Variants in LSAMP observed in about 807,000 individuals in gnomAD.
LSAMP encodes the protein limbic system associated membrane protein.
Under a neutral mutation model 38.6 loss-of-function variants are expected in LSAMP, and 7 were observed. The observed-to-expected ratio is 0.18, with a 90% CI of 0.10 to 0.34. The LOEUF is 0.34. Among genes scored for constraint, LSAMP ranks in the 10% least tolerant of loss-of-function variants. The pLI is 1.00. For synonymous variants in LSAMP, 154 were observed against 166.8 expected (o/e 0.92, Z 0.59); for missense variants, 313 against 420.0 (o/e 0.75, Z 2.23).
chr3:116,440,882 T>C (rs1055558817), intron 1 of LSAMP, among the ~76,000 whole-genome samples: 3 of 152,220 alleles, frequency 2.0e-5, no homozygotes, highest in African/African-American at 4.8e-5. Flanking sequence ...AAATAGTGAA[T>C]TGTAAGTCAT....
At chr3:116,146,605 G>A (rs545256397) in intron 1 of LSAMP, among the ~76,000 whole-genome samples, 13 of 152,020 alleles carry the variant, frequency 8.6e-5, no homozygotes, top group African/African-American at 2.9e-4. Context: ...CAGTAACTTT[G>A]TGTTGCATGA....
intron 1 of LSAMP, among the ~76,000 whole-genome samples, chr3:116,349,438 TTTAAA>T (rs966213907): frequency 2.6e-5 from 4 of 151,324 alleles, no homozygotes; most frequent in Admixed American, 1.3e-4. Flanking sequence ...ATCATCATAC[TTTAAA>T]TTAAAAAAGA....
intron 1 of LSAMP, among the ~76,000 whole-genome samples, chr3:116,284,372 T>C (rs1413637192): frequency 2.6e-5 from 4 of 152,248 alleles, no homozygotes; most frequent in Non-Finnish European, 5.9e-5. Context: ...GTTTTGTGAT[T>C]CTTTTTTAAA....
intron 3 of LSAMP, among the ~76,000 whole-genome samples, chr3:115,982,605 A>C (rs1360058158): frequency 6.6e-6 from 1 of 151,998 alleles, no homozygotes; most frequent in Non-Finnish European, 1.5e-5. Context: ...CAGGTTTTTA[A>C]AAACCTTTTC....
intron 1 of LSAMP, among the ~76,000 whole-genome samples, chr3:116,422,269 C>T (rs538331903): frequency 6.6e-5 from 10 of 152,104 alleles, no homozygotes; most frequent in East Asian, 3.9e-4. Context: ...TCCACACCCA[C>T]GGATTCAACC....
chr3:115,976,701 G>A (rs1230564630), intron 3 of LSAMP, among the ~76,000 whole-genome samples: 1 of 152,004 alleles, frequency 6.6e-6, no homozygotes, highest in Non-Finnish European at 1.5e-5. Flanking sequence ...TCATGGGGGC[G>A]GATTATCCCC....
At chr3:116,390,116 TA>T in intron 1 of LSAMP, among the ~76,000 whole-genome samples, 1 of 143,642 alleles carries the variant, frequency 7.0e-6, no homozygotes, top group South Asian at 2.2e-4. Context: ...ACTTAAATTA[TA>T]TATGTATGTA....
intron 3 of LSAMP, among the ~76,000 whole-genome samples, chr3:115,945,638 A>G (rs992281681): frequency 6.6e-6 from 1 of 152,160 alleles, no homozygotes; most frequent in African/African-American, 2.4e-5. Context: ...ATATCTTGTC[A>G]TCAATTTTTC....
At chr3:116,409,539 T>C (rs990556332) in intron 1 of LSAMP, among the ~76,000 whole-genome samples, 2 of 152,124 alleles carry the variant, frequency 1.3e-5, no homozygotes, top group Admixed American at 1.3e-4. Flanking sequence ...AATCCATTCT[T>C]TAAAAATAGC....
chr3:116,013,406 A>G (rs946712599), intron 3 of LSAMP, among the ~76,000 whole-genome samples: 6 of 152,292 alleles, frequency 3.9e-5, no homozygotes, highest in Admixed American at 6.5e-5. Flanking sequence ...AAGAATTTGT[A>G]TTTACTTGAT....
intron 1 of LSAMP, among the ~76,000 whole-genome samples, chr3:116,192,853 G>A (rs1367698934): frequency 6.6e-6 from 1 of 152,100 alleles, no homozygotes; most frequent in Non-Finnish European, 1.5e-5. Context: ...AATGATCAGG[G>A]AGCTATTCAT....
chr3:115,894,983 T>TGAACA (rs1553745606), intron 3 of LSAMP, among the ~76,000 whole-genome samples: 24 of 151,538 alleles, frequency 1.6e-4, no homozygotes, highest in Non-Finnish European at 3.0e-4. Context: ...CAAATGCGGA[T>TGAACA]GAATAGAGAA....
rs561768165 is a variant in LSAMP, at chr3:115,908,038, C to T, written c.515-55421G>A. ...CACTTAAATCATGGGGAGATTTGAG[C>T]CCAATGTATGAAATCCTGGTGTTTG... On this transcript the variant is annotated intron_variant, in intron 3 of 6. Transcript: ENST00000490035. 3.3e-5 allele frequency among the ~76,000 whole-genome samples: 5 copies of T among 151,882 alleles called. No homozygotes were observed. In the South Asian group the frequency reaches 1.0e-3, roughly 32 times the overall value.
At chr3:116,280,655 G>C (rs1404356933) in intron 1 of LSAMP, among the ~76,000 whole-genome samples, 2 of 152,218 alleles carry the variant, frequency 1.3e-5, no homozygotes, top group African/African-American at 4.8e-5. Flanking sequence ...TTCTGAGAAT[G>C]TGATTTACTT....
chr3:116,267,066 G>A (rs2046901611), intron 1 of LSAMP, among the ~76,000 whole-genome samples: 1 of 152,104 alleles, frequency 6.6e-6, no homozygotes, highest in South Asian at 2.1e-4. Context: ...CTATCCCAAA[G>A]CAGGGATTCA....
intron 1 of LSAMP, among the ~76,000 whole-genome samples, chr3:116,340,444 T>A (rs930177789): frequency 6.6e-6 from 1 of 151,868 alleles, no homozygotes; most frequent in Non-Finnish European, 1.5e-5. Context: ...ATGGAATGCA[T>A]CTAAATTGTG....
intron 3 of LSAMP, among the ~76,000 whole-genome samples, chr3:115,941,561 A>G (rs560197865): frequency 1.0e-3 from 156 of 152,164 alleles, no homozygotes; most frequent in South Asian, 6.7e-3. Context: ...AAATTGGCGC[A>G]CACACACACA....
chr3:116,075,138 A>ATTTTTT (rs71297430), intron 2 of LSAMP, among the ~76,000 whole-genome samples: 1 of 118,278 alleles, frequency 8.5e-6, no homozygotes. Flanking sequence ...GCACCCAGCC[A>ATTTTTT]TTTTTTTTTT....
At chr3:116,039,471 C>T (rs894175774) in intron 2 of LSAMP, among the ~76,000 whole-genome samples, 6 of 152,198 alleles carry the variant, frequency 3.9e-5, no homozygotes, top group Non-Finnish European at 7.3e-5. Context: ...GTTAACAGCA[C>T]AGAGTGTCTC....
Sources: allele counts gnomAD v4.1 joint callset (sites outside exome capture counted in the v4.1 genomes callset), GRCh38; gene constraint gnomAD v4.1.1; transcripts MANE v1.5; gene names NCBI Gene and HGNC (gene_info 2026-07-23, HGNC 2026-07-21).